SNX10: variants seen among roughly 807,000 people sequenced by gnomAD.
SNX10 encodes the protein sorting nexin-10.
Under a neutral mutation model 28.5 loss-of-function variants are expected in SNX10, and 25 were observed. The observed-to-expected ratio is 0.88, with a 90% confidence interval of 0.64 to 1.22. SNX10 has a LOEUF of 1.22. Among genes scored for constraint, SNX10 ranks in the 50% most tolerant of loss-of-function variants. SNX10 has a pLI of 0.00. For missense variants in SNX10, 223 were observed against 242.6 expected, an observed-to-expected ratio of 0.92 and a Z score of 0.54; for synonymous variants, 62 against 81.4, an observed-to-expected ratio of 0.76 and a Z score of 1.28.
rs1306141025 is a variant in SNX10, at chr7:26,344,173, G to A, written c.-23-2247G>A. 4.3e-5 allele frequency among the ~76,000 whole-genome samples: 5 copies of A among 116,774 alleles called. No individual in the cohort carries two copies. In the Admixed American group the frequency reaches 4.6e-4, roughly 11 times the overall value. The allele number at this position is 116,774 out of a possible 152,430, so 76.6% of individuals were successfully genotyped here. A position where few individuals can be genotyped will look rare whatever the true frequency, so the allele number is the denominator to read the frequency against. ...AGCCACCATTCTACTTTCTGTCTCTGAATTTTTTTTTTTTTTTTTTTTGAG... is the reference window on the plus strand; with the variant it reads ...AGCCACCATTCTACTTTCTGTCTCTAAATTTTTTTTTTTTTTTTTTTTGAG... On this transcript the variant is annotated intron_variant, in intron 1 of 6. Transcript: ENST00000338523.
chr7:26,352,408 G>A (rs1328702924), intron 2 of SNX10, among the ~76,000 whole-genome samples: 3 of 152,106 alleles, frequency 2.0e-5, no homozygotes, highest in African/African-American at 7.2e-5. Context: ...ATGCAATGGA[G>A]TAAGACCTTG....
At chr7:26,299,020 A>G (rs1259839482) in intron 1 of SNX10, among the ~76,000 whole-genome samples, 4 of 152,212 alleles carry the variant, frequency 2.6e-5, no homozygotes, top group African/African-American at 9.7e-5. Context: ...TTGGCAGGAC[A>G]CAATTCAACC....
rs557283706 is a variant in SNX10 at position 26,337,712 on chromosome 7, A to G, written c.-23-8708A>G. Among the ~76,000 whole-genome samples the G allele has an allele frequency of 9.2e-5, 14 of 152,334 alleles. No individual in the cohort carries two copies. The South Asian group carries it at 2.9e-3, about 32-fold the overall frequency. Reference sequence around the variant, plus strand: ...ACATTTTGCTCATCCATTACATTTCATTGATGGACACTTAGGTTACTTCCA... The same window carrying G: ...ACATTTTGCTCATCCATTACATTTCGTTGATGGACACTTAGGTTACTTCCA... On this transcript the variant is annotated intron_variant, in intron 1 of 6. Transcript: ENST00000338523.
intron 2 of SNX10, 150 bp downstream of exon 2, chr7:26,346,616 C>T: frequency 2.9e-6 from 2 of 694,668 alleles, no homozygotes; most frequent in Non-Finnish European, 5.3e-6. Flanking sequence ...TCCTCTACTC[C>T]CACCATTGGT....
chr7:26,346,121 C>T (rs1440627771), intron 1 of SNX10, among the ~76,000 whole-genome samples: 3 of 152,176 alleles, frequency 2.0e-5, no homozygotes, highest in East Asian at 1.9e-4. Flanking sequence ...CCAGCTTCCT[C>T]GCCAATTCAC....
intron 1 of SNX10, among the ~76,000 whole-genome samples, chr7:26,312,074 A>C (rs1224832436): frequency 6.6e-6 from 1 of 152,168 alleles, no homozygotes; most frequent in Non-Finnish European, 1.5e-5. Context: ...CAGAAAACAA[A>C]AGTTACTTCA....
chr7:26,296,311 A>C (rs1786108880), intron 1 of SNX10, among the ~76,000 whole-genome samples: 1 of 152,044 alleles, frequency 6.6e-6, no homozygotes, highest in African/African-American at 2.4e-5. Flanking sequence ...TTAGTGACTG[A>C]GGAGGCTGAG....
rs118105146 is a variant in SNX10 at position 26,302,589 on chromosome 7, G to A, written c.-24+10503G>A. 3.3e-5 allele frequency among the ~76,000 whole-genome samples: 5 copies of A among 152,238 alleles called. No individual in the cohort carries two copies. The East Asian group carries it at 5.8e-4, about 18-fold the overall frequency. On this transcript the variant is annotated intron_variant, in intron 1 of 6. Transcript: ENST00000338523. ...AGGACCCTCGGGTAATACCTTACTCGTCTTGTGTGTTGTGCACTCTTATTC... is the reference window on the plus strand; with the variant it reads ...AGGACCCTCGGGTAATACCTTACTCATCTTGTGTGTTGTGCACTCTTATTC...
intron 1 of SNX10, among the ~76,000 whole-genome samples, chr7:26,335,292 C>T (rs1787882979): frequency 6.6e-6 from 1 of 152,192 alleles, no homozygotes; most frequent in South Asian, 2.1e-4. Context: ...TCTGGTCCCT[C>T]AGAACCCCAG....
At chr7:26,319,214 A>C (rs969705983) in intron 1 of SNX10, among the ~76,000 whole-genome samples, 1 of 152,250 alleles carries the variant, frequency 6.6e-6, no homozygotes, top group African/African-American at 2.4e-5. Context: ...GTAGACGTAG[A>C]TATTGTAGCA....
chr7:26,321,981 A>T (rs1475632685), intron 1 of SNX10, among the ~76,000 whole-genome samples: 1 of 152,078 alleles, frequency 6.6e-6, no homozygotes, highest in Non-Finnish European at 1.5e-5. Flanking sequence ...TGCATTGCTC[A>T]TGCCACTCTC....
At chr7:26,329,985 G>A (rs1215489147) in intron 1 of SNX10, among the ~76,000 whole-genome samples, 1 of 152,094 alleles carries the variant, frequency 6.6e-6, no homozygotes, top group Non-Finnish European at 1.5e-5. Flanking sequence ...GGCTCTAGTG[G>A]TTTCATTCAA....
At chr7:26,308,224 C>A (rs1786671888) in intron 1 of SNX10, among the ~76,000 whole-genome samples, 1 of 152,186 alleles carries the variant, frequency 6.6e-6, no homozygotes, top group Non-Finnish European at 1.5e-5. Flanking sequence ...TCCCTTCAAC[C>A]TGCTCCTTTT....
intron 1 of SNX10, among the ~76,000 whole-genome samples, chr7:26,307,501 G>A (rs1786644236): frequency 6.6e-6 from 1 of 152,152 alleles, no homozygotes; most frequent in Non-Finnish European, 1.5e-5. Flanking sequence ...AGACTGGAGT[G>A]TAGTGGCACG....
chr7:26,308,662 A>G (rs545728268), intron 1 of SNX10, among the ~76,000 whole-genome samples: 1 of 152,268 alleles, frequency 6.6e-6, no homozygotes, highest in South Asian at 2.1e-4. Context: ...ATCCTTTATA[A>G]TAAACCAGTA....
rs1787489534 is a variant in SNX10 at position 26,325,973 on chromosome 7, C to G, written c.-23-20447C>G. 2.0e-5 allele frequency among the ~76,000 whole-genome samples: 3 copies of G among 152,232 alleles called. No individual in the cohort carries two copies. The South Asian group carries it at 6.2e-4, about 32-fold the overall frequency. On this transcript the variant is annotated intron_variant, in intron 1 of 6. Coordinates refer to ENST00000338523, the MANE Select transcript of SNX10 (RefSeq NM_013322.3). ...GAACTCCTGACCTCAGGTGATCTAC[C>G]AGCCCTGGTGCCCCAAAGTGATGAG... is the stretch of plus-strand genomic sequence containing the variant.
At chr7:26,354,235 C>T (rs11979114) in intron 2 of SNX10, 1 of 152,186 alleles carries the variant, frequency 6.6e-6, no homozygotes, top group African/African-American at 2.4e-5. Flanking sequence ...TAGTGGTTAA[C>T]GATGTCGAAC....
chr7:26,355,863 C>T (rs1024484041), intron 2 of SNX10, among the ~76,000 whole-genome samples: 2 of 152,170 alleles, frequency 1.3e-5, no homozygotes, highest in African/African-American at 4.8e-5. Flanking sequence ...GGTCATTTGA[C>T]TTTGGGCCAG....
At chr7:26,311,148 A>G (rs1786823737) in intron 1 of SNX10, among the ~76,000 whole-genome samples, 1 of 151,580 alleles carries the variant, frequency 6.6e-6, no homozygotes, top group Non-Finnish European at 1.5e-5. Context: ...TTTAAATTAA[A>G]TTCTTTTTCT....
Sources: gnomAD v4.1 joint callset for allele counts (sites outside exome capture counted in the v4.1 genomes callset) on GRCh38, gnomAD v4.1.1 for gene constraint, MANE v1.5 for transcripts, NCBI Gene and HGNC (gene_info 2026-07-23, HGNC 2026-07-21) for gene names.